Variants in SLC5A1 observed in about 807,000 individuals in gnomAD.
SLC5A1 encodes solute carrier family 5 member 1.
In SLC5A1, 42 loss-of-function variants were observed where a neutral mutation model predicts 73.5. The ratio of observed to expected loss-of-function variants is 0.57; its 90% confidence interval spans 0.45 to 0.74. The LOEUF is 0.74. Ranked by LOEUF, SLC5A1 falls within the 30% of genes least tolerant of loss-of-function variation. The probability of loss-of-function intolerance (pLI) is 0.00; values close to 1 mark genes in which losing one functional copy is unlikely to be tolerated. For synonymous variants in SLC5A1, 300 were observed against 317.4 expected, an observed-to-expected ratio of 0.95 and a Z score of 0.58; for missense variants, 634 against 855.4, an observed-to-expected ratio of 0.74 and a Z score of 3.23.
At chr22:32,070,256 CCCCCT>C (rs2093980831) in intron 5 of SLC5A1, among the ~76,000 whole-genome samples, 1 of 76,346 alleles carries the variant, frequency 1.3e-5, no homozygotes, top group South Asian at 7.9e-4. Context: ...CCCCTCCCCT[CCCCCT>C]CCCCTCCCCG....
In SLC5A1 at chr22:32,095,738, G is replaced by A. The variant is rs939704492; in HGVS notation, c.1281-3445G>A. Reference sequence around the variant, plus strand: ...CCACCCTTTTACCTTAAATTTATGTGAGTCCTTATGTGTTAGGTGAGTTTC... The same window carrying A: ...CCACCCTTTTACCTTAAATTTATGTAAGTCCTTATGTGTTAGGTGAGTTTC... On this transcript the variant is annotated intron_variant, in intron 11 of 14. Transcript: ENST00000266088. 3.3e-4 allele frequency among the ~76,000 whole-genome samples: 50 copies of A among 152,178 alleles called. 1 individual carries two copies. The highest frequency in any genetic ancestry group is 1.2e-3 in the African/African-American group (49 of 41,442).
At chr22:32,105,439 A>G (rs894800371) in intron 14 of SLC5A1, among the ~76,000 whole-genome samples, 8 of 152,034 alleles carry the variant, frequency 5.3e-5, no homozygotes, top group Non-Finnish European at 1.2e-4. Context: ...GAATACAGGC[A>G]TGCACCACCA....
At chr22:32,074,199 T>C (rs904748118) in intron 5 of SLC5A1, among the ~76,000 whole-genome samples, 1 of 152,180 alleles carries the variant, frequency 6.6e-6, no homozygotes, top group Non-Finnish European at 1.5e-5. Flanking sequence ...AAGAGCACTC[T>C]TTGTCCTCAG....
intron 2 of SLC5A1, among the ~76,000 whole-genome samples, chr22:32,065,019 T>C (rs544362866): frequency 3.7e-4 from 56 of 152,290 alleles, no homozygotes; most frequent in African/African-American, 1.3e-3. Context: ...TCATAGTTCA[T>C]TGAAGCCTGC....
chr22:32,068,002 T>G lies in SLC5A1; in HGVS notation c.348T>G (p.Phe116Leu). The G allele has an allele frequency of 1.2e-6, 2 of 1,614,188 alleles. No homozygotes were observed. Among genetic ancestry groups the G allele is most frequent in the Non-Finnish European group, 1.7e-6 (2 of 1,180,018 alleles). ...LVLVVVLGWL[F>L]VPIYIKAGVV... ...TGGTGGTTGTGCTGGGCTGGCTGTT[T>G]GTCCCCATCTATATTAAGGCTGGGG... Residue 116 changes from phenylalanine (F) to leucine (L), a missense_variant, in exon 4 of 15, where the codon TTT becomes TTG. Transcript: ENST00000266088.
At chr22:32,077,646 CCACT>C (rs1476208100) in intron 5 of SLC5A1, among the ~76,000 whole-genome samples, 3 of 152,048 alleles carry the variant, frequency 2.0e-5, no homozygotes, top group Non-Finnish European at 2.9e-5. Flanking sequence ...CTTATATTCA[CCACT>C]CAGATTTTAT....
intron 11 of SLC5A1, among the ~76,000 whole-genome samples, chr22:32,098,179 G>T (rs1372715273): frequency 6.6e-6 from 1 of 152,166 alleles, no homozygotes; most frequent in Non-Finnish European, 1.5e-5. Flanking sequence ...CTATAATCCA[G>T]CAGTATCACT....
rs369259775 is a variant in SLC5A1 at position 32,102,270 on chromosome 22, T to G, written c.1665+33T>G. On this transcript the variant is annotated intron_variant, in intron 13 of 14. Transcript: ENST00000266088. ...TCCATTTAGGGGATCTGTCCTTGTT[T>G]CATGTTCACACTGCAATGTTCTTTA... 3 of 1,492,276 alleles carry G rather than the reference T, an allele frequency of 2.0e-6. No homozygotes were observed. The African/African-American group carries it at 4.1e-5, about 21-fold the overall frequency. 92.4% of individuals were successfully genotyped at this position (1,492,276 alleles called of 1,614,324 possible). A position where few individuals can be genotyped will look rare whatever the true frequency, so the allele number is the denominator to read the frequency against.
intron 7 of SLC5A1, among the ~76,000 whole-genome samples, chr22:32,083,574 A>G (rs1476940141): frequency 6.6e-6 from 1 of 152,116 alleles, no homozygotes; most frequent in East Asian, 1.9e-4. Context: ...CCTTTCTTTT[A>G]TGAATTGTTG....
At chr22:32,069,378 C>A (rs879664190) in intron 5 of SLC5A1, among the ~76,000 whole-genome samples, 2 of 151,998 alleles carry the variant, frequency 1.3e-5, no homozygotes, top group Non-Finnish European at 2.9e-5. Flanking sequence ...TAGCTAATAA[C>A]AATGTGTTTT....
chr22:32,047,041 A>C (rs779602391), intron 1 of SLC5A1, among the ~76,000 whole-genome samples: 1 of 152,190 alleles, frequency 6.6e-6, no homozygotes, highest in Non-Finnish European at 1.5e-5. Flanking sequence ...AAAAAATTGT[A>C]ATGGCTGTGA....
At chr22:32,046,040 A>G (rs1327696094) in intron 1 of SLC5A1, among the ~76,000 whole-genome samples, 1 of 152,212 alleles carries the variant, frequency 6.6e-6, no homozygotes, top group Non-Finnish European at 1.5e-5. Flanking sequence ...CTTTTTCTTT[A>G]AAGAAAAAAA....
chr22:32,091,034 T>C (rs1443823823), intron 10 of SLC5A1, among the ~76,000 whole-genome samples: 3 of 152,138 alleles, frequency 2.0e-5, no homozygotes, highest in Non-Finnish European at 2.9e-5. Flanking sequence ...TTGTATGGCT[T>C]TGGAGAAGTG....
At chr22:32,094,916 C>T (rs2094023874) in intron 11 of SLC5A1, among the ~76,000 whole-genome samples, 1 of 151,750 alleles carries the variant, frequency 6.6e-6, no homozygotes, top group East Asian at 1.9e-4. Flanking sequence ...TCCTCTAGTT[C>T]CTTGAGGTGT....
intron 2 of SLC5A1, among the ~76,000 whole-genome samples, chr22:32,054,258 G>T (rs79367011): frequency 0.045 from 6,825 of 152,266 alleles, 207 homozygotes; most frequent in Non-Finnish European, 0.07. Flanking sequence ...TTATGTAGTA[G>T]TATTCTCTCA....
intron 1 of SLC5A1, 99 bp from the exon 2 acceptor site, chr22:32,049,844 G>A (rs1412478547): frequency 1.1e-6 from 1 of 906,800 alleles, no homozygotes; most frequent in Non-Finnish European, 1.9e-6. Context: ...AGAAAGTGGA[G>A]TGGGTAGAAG....
chr22:32,089,742 T>C (rs1442897313), intron 10 of SLC5A1, among the ~76,000 whole-genome samples: 1 of 152,050 alleles, frequency 6.6e-6, no homozygotes, highest in African/African-American at 2.4e-5. Flanking sequence ...CAGAGGAATG[T>C]TGTGGAAGGG....
rs1244127929 is a variant in SLC5A1, at chr22:32,043,528, A to G, written c.135+112A>G. 1.7e-6 allele frequency: 2 copies of G among 1,192,782 alleles called. No individual in the cohort carries two copies. The highest frequency in any genetic ancestry group is 1.2e-6 in the Non-Finnish European group (1 of 823,084). 73.9% of individuals were successfully genotyped at this position (1,192,782 alleles called of 1,614,324 possible). ...TTAAGTGTCGGTGGAGGGGAGAGGA[A>G]ATGACTTGGAAGCACTTTAGAAGCA... On this transcript the variant is annotated intron_variant, in intron 1 of 14. Coordinates refer to ENST00000266088, the MANE Select transcript of SLC5A1 (RefSeq NM_000343.4). This position sits in a 1 kb window ranked among gnomAD's most constrained non-coding sequence, Gnocchi z 6.5.
chr22:32,080,158 G>A (rs956589933), intron 5 of SLC5A1, among the ~76,000 whole-genome samples: 1 of 152,170 alleles, frequency 6.6e-6, no homozygotes, highest in African/African-American at 2.4e-5. Flanking sequence ...GGAGAGAGGA[G>A]TTTCTTTCTA....
Sources: gnomAD v4.1 joint callset for allele counts (sites outside exome capture counted in the v4.1 genomes callset) on GRCh38, gnomAD v4.1.1 for gene constraint, Gnocchi (gnomAD v3.1) non-coding constraint, MANE v1.5 for transcripts, NCBI Gene and HGNC (gene_info 2026-07-23, HGNC 2026-07-21) for gene names.